The following CEP63 variants were observed in gnomAD, a reference collection of about 807,000 sequenced individuals.
The protein encoded by CEP63 is centrosomal protein of 63 kDa.
CEP63 carries 84 observed loss-of-function variants against 89.1 expected under a neutral mutation model. The observed-to-expected ratio is 0.94, with a 90% CI of 0.79 to 1.13. The LOEUF (loss-of-function observed/expected upper bound fraction) is 1.13, where lower values mean the gene tolerates loss of function less well. CEP63 is among the 50% of genes most tolerant of loss of function. CEP63 has a pLI of 0.00. For missense variants in CEP63, 838 were observed against 813.3 expected (o/e 1.03, Z -0.37); for synonymous variants, 267 against 272.5 (o/e 0.98, Z 0.20).
At chr3:134,594,074 G>T in the CEP63 span, among the ~76,000 whole-genome samples, 1 of 152,186 alleles carries the variant, frequency 6.6e-6, no homozygotes, top group Non-Finnish European at 1.5e-5. Context: ...TTAATTTCCA[G>T]ATCTCCTTGG....
the CEP63 span, among the ~76,000 whole-genome samples, chr3:134,612,781 G>A: frequency 2.0e-5 from 3 of 151,058 alleles, no homozygotes; most frequent in African/African-American, 7.3e-5. Flanking sequence ...GTGTGTGTGT[G>A]TGTGTGTGTG....
At chr3:134,638,364 A>C in the CEP63 span, among the ~76,000 whole-genome samples, 1 of 152,338 alleles carries the variant, frequency 6.6e-6, no homozygotes, top group East Asian at 1.9e-4. Flanking sequence ...TAAAATTCGC[A>C]GTCAGATCTA....
chr3:134,538,533 G>GTATATATA (rs1404514000), intron 6 of CEP63, among the ~76,000 whole-genome samples: 2,256 of 99,818 alleles, frequency 0.023, 67 homozygotes, highest in East Asian at 0.042. Flanking sequence ...GTGTGTGTGT[G>GTATATATA]TATATATATA....
the CEP63 span, among the ~76,000 whole-genome samples, chr3:134,754,838 C>A: frequency 6.6e-6 from 1 of 152,154 alleles, no homozygotes; most frequent in Non-Finnish European, 1.5e-5. Flanking sequence ...TAGAGACAGG[C>A]AAGCATTTAG....
chr3:134,715,312 C>T, the CEP63 span, among the ~76,000 whole-genome samples: 1 of 152,144 alleles, frequency 6.6e-6, no homozygotes, highest in African/African-American at 2.4e-5. Flanking sequence ...CAGGATGAAG[C>T]ATCACAGCTC....
the CEP63 span, chr3:134,643,475 C>G: frequency 3.0e-6 from 3 of 1,014,412 alleles, no homozygotes; most frequent in Non-Finnish European, 3.0e-6. Flanking sequence ...GGTGGGCTGG[C>G]GGGGGCCAAG....
intron 1 of CEP63, among the ~76,000 whole-genome samples, chr3:134,491,369 G>A (rs1289964763): frequency 6.6e-6 from 1 of 152,102 alleles, no homozygotes; most frequent in Non-Finnish European, 1.5e-5. Context: ...ATTTTTCTGT[G>A]CATTGCTTGT....
chr3:134,545,455 A>AAT (rs34011308), intron 6 of CEP63, 131 bp from the exon 7 acceptor site: 14 of 616,744 alleles, frequency 2.3e-5, no homozygotes, highest in South Asian at 1.3e-4. Flanking sequence ...ACCCCTTCGC[A>AAT]ATATATATAT....
chr3:134,728,630 T>C, the CEP63 span, among the ~76,000 whole-genome samples: 1 of 152,180 alleles, frequency 6.6e-6, no homozygotes, highest in Non-Finnish European at 1.5e-5. Context: ...AGTGGACAGG[T>C]GACAAAGGTC....
At chr3:134,507,725 A>G (rs2108436602) in intron 3 of CEP63, among the ~76,000 whole-genome samples, 1 of 152,330 alleles carries the variant, frequency 6.6e-6, no homozygotes, top group East Asian at 1.9e-4. Flanking sequence ...AAAAAAAACA[A>G]AACAAAACAC....
the CEP63 span, among the ~76,000 whole-genome samples, chr3:134,731,407 G>C: frequency 5.9e-5 from 9 of 152,052 alleles, no homozygotes; most frequent in African/African-American, 2.2e-4. Flanking sequence ...ATGATATAGA[G>C]ACCACATATT....
chr3:134,545,312 A>C (rs1358785909), intron 6 of CEP63, among the ~76,000 whole-genome samples: 1 of 151,564 alleles, frequency 6.6e-6, no homozygotes, highest in Non-Finnish European at 1.5e-5. Context: ...TGTATTTTTT[A>C]TAAAGACAGG....
At chr3:134,768,527 G>T in the CEP63 span, among the ~76,000 whole-genome samples, 1 of 152,278 alleles carries the variant, frequency 6.6e-6, no homozygotes, top group East Asian at 1.9e-4. Context: ...TTCTCAGTCA[G>T]CATTGGCATA....
intron 13 of CEP63, among the ~76,000 whole-genome samples, chr3:134,558,902 T>C (rs1049523273): frequency 6.6e-6 from 1 of 152,148 alleles, no homozygotes; most frequent in African/African-American, 2.4e-5. Flanking sequence ...CCACACTAGA[T>C]TACTCTGGCA....
chr3:134,739,027 A>T, the CEP63 span, among the ~76,000 whole-genome samples: 1 of 151,888 alleles, frequency 6.6e-6, no homozygotes, highest in South Asian at 2.1e-4. Context: ...TGGAACCCTC[A>T]TACACTGTTG....
chr3:134,775,675 G>A, the CEP63 span, among the ~76,000 whole-genome samples: 1 of 152,138 alleles, frequency 6.6e-6, no homozygotes, highest in South Asian at 2.1e-4. Context: ...GGTAGAGAAT[G>A]GGAGACATGT....
chr3:134,532,015 G>A, intron 4 of CEP63, 75 bp downstream of exon 4: 1 of 979,762 alleles, frequency 1.0e-6, no homozygotes, highest in East Asian at 2.5e-5. Context: ...GTTAATGAAA[G>A]CCAGTTTCTA....
chr3:134,494,092 A>ATTTATT (rs1938777839), intron 1 of CEP63, among the ~76,000 whole-genome samples: 5 of 143,598 alleles, frequency 3.5e-5, no homozygotes, highest in South Asian at 2.2e-4. Flanking sequence ...CCTTTATTTT[A>ATTTATT]TATTTATTTA....
chr3:134,766,467 C>T, the CEP63 span, among the ~76,000 whole-genome samples: 3 of 152,262 alleles, frequency 2.0e-5, no homozygotes, highest in Non-Finnish European at 4.4e-5. Context: ...CAGCTCATGG[C>T]CAGACCTTTC....
Sources: allele counts gnomAD v4.1 joint callset (sites outside exome capture counted in the v4.1 genomes callset), GRCh38; gene constraint gnomAD v4.1.1; transcripts MANE v1.5; gene names NCBI Gene and HGNC (gene_info 2026-07-23, HGNC 2026-07-21).